The following TMEM178B variants were observed in gnomAD, a reference collection of about 807,000 sequenced individuals.
TMEM178B encodes transmembrane protein 178B.
TMEM178B carries 5 observed loss-of-function variants against 31.0 expected under a neutral mutation model. That is an observed-to-expected ratio of 0.16 (90% confidence interval 0.08 to 0.34). The LOEUF (loss-of-function observed/expected upper bound fraction) is 0.34. Among genes scored for constraint, TMEM178B ranks in the 10% least tolerant of loss-of-function variants. The probability of loss-of-function intolerance (pLI) is 1.00; values close to 1 mark genes in which losing one functional copy is unlikely to be tolerated. For synonymous variants in TMEM178B, 164 were observed against 164.0 expected (o/e 1.00, Z 0.00); for missense variants, 275 against 400.3 (o/e 0.69, Z 2.67).
chr7:141,310,691 C>A (rs949987158), intron 2 of TMEM178B, among the ~76,000 whole-genome samples: 1 of 152,240 alleles, frequency 6.6e-6, no homozygotes, highest in African/African-American at 2.4e-5. Flanking sequence ...AACGCTTTTA[C>A]ACTGTTGCTG....
chr7:141,178,607 AGTGATACGTTG>A (rs1392386800), intron 1 of TMEM178B, among the ~76,000 whole-genome samples: 1 of 152,214 alleles, frequency 6.6e-6, no homozygotes, highest in African/African-American at 2.4e-5. Flanking sequence ...CATGATTTAA[AGTGATACGTTG>A]GTGATACGCT....
intron 1 of TMEM178B, among the ~76,000 whole-genome samples, chr7:141,147,453 C>T (rs1332722270): frequency 6.6e-6 from 1 of 152,026 alleles, no homozygotes; most frequent in Non-Finnish European, 1.5e-5. Context: ...AAGATTTTTG[C>T]ATTTTAAAAA....
intron 2 of TMEM178B, among the ~76,000 whole-genome samples, chr7:141,383,827 C>CTAGTA (rs1196615246): frequency 3.3e-4 from 50 of 152,322 alleles, no homozygotes; most frequent in African/African-American, 1.1e-3. Context: ...AGTTTACAGA[C>CTAGTA]CCATCAACAG....
At chr7:141,424,920 G>A (rs1342037777) in intron 2 of TMEM178B, among the ~76,000 whole-genome samples, 2 of 152,232 alleles carry the variant, frequency 1.3e-5, no homozygotes, top group Admixed American at 6.5e-5. Flanking sequence ...GTTTGAAGTG[G>A]CACGGATCAT....
At chr7:141,505,382 A>G in the TMEM178B span, among the ~76,000 whole-genome samples, 1 of 152,240 alleles carries the variant, frequency 6.6e-6, no homozygotes, top group Non-Finnish European at 1.5e-5. Context: ...ATTGTAGGTC[A>G]GTGAATGTTT....
At chr7:141,173,893 A>G (rs1052087720) in intron 1 of TMEM178B, among the ~76,000 whole-genome samples, 1 of 152,218 alleles carries the variant, frequency 6.6e-6, no homozygotes, top group Non-Finnish European at 1.5e-5. Flanking sequence ...AGCAAGGGGA[A>G]GAGACCATGA....
intron 1 of TMEM178B, among the ~76,000 whole-genome samples, chr7:141,178,274 C>G (rs537600426): frequency 2.6e-5 from 4 of 152,170 alleles, no homozygotes; most frequent in Non-Finnish European, 5.9e-5. Flanking sequence ...TTGGCCCCCA[C>G]AAAAACATTT....
At chr7:141,216,937 C>T (rs1417796484) in intron 2 of TMEM178B, among the ~76,000 whole-genome samples, 1 of 152,076 alleles carries the variant, frequency 6.6e-6, no homozygotes, top group Admixed American at 6.5e-5. Flanking sequence ...TGGCTGCCTC[C>T]AGGACACAGC....
chr7:141,164,541 G>A (rs982109858), intron 1 of TMEM178B, among the ~76,000 whole-genome samples: 3 of 152,136 alleles, frequency 2.0e-5, no homozygotes, highest in Admixed American at 6.5e-5. Context: ...TGTTACTCAT[G>A]TGAAAAATGA....
At chr7:141,216,223 T>G (rs905401535) in intron 2 of TMEM178B, among the ~76,000 whole-genome samples, 1 of 152,012 alleles carries the variant, frequency 6.6e-6, no homozygotes, top group African/African-American at 2.4e-5. Context: ...AAGGCACAAT[T>G]TGGTTTAAAA....
At chr7:141,362,366 G>A (rs2116549162) in intron 2 of TMEM178B, among the ~76,000 whole-genome samples, 1 of 152,270 alleles carries the variant, frequency 6.6e-6, no homozygotes, top group African/African-American at 2.4e-5. Context: ...ACCTGTTTTG[G>A]CTTTGAAGTG....
At chr7:141,255,509 A>G (rs531667180) in intron 2 of TMEM178B, among the ~76,000 whole-genome samples, 39 of 152,368 alleles carry the variant, frequency 2.6e-4, no homozygotes, top group African/African-American at 8.9e-4. Flanking sequence ...GCCAAAACCT[A>G]GTTACCACTT....
At chr7:141,511,071 G>T in the TMEM178B span, among the ~76,000 whole-genome samples, 6 of 152,008 alleles carry the variant, frequency 3.9e-5, no homozygotes, top group African/African-American at 1.4e-4. Context: ...CAGTTCCAAC[G>T]GAGAAGTTGC....
At chr7:141,191,242 G>A (rs1225036119) in intron 1 of TMEM178B, among the ~76,000 whole-genome samples, 1 of 152,178 alleles carries the variant, frequency 6.6e-6, no homozygotes, top group East Asian at 1.9e-4. Flanking sequence ...TTGCATGCAT[G>A]TACCATAATT....
intron 1 of TMEM178B, among the ~76,000 whole-genome samples, chr7:141,142,231 A>G (rs1795782257): frequency 6.6e-6 from 1 of 152,182 alleles, no homozygotes; most frequent in Non-Finnish European, 1.5e-5. Flanking sequence ...ACACAATTTC[A>G]GCTTTTTCAT....
chr7:141,080,200 T>C (rs1794660886), intron 1 of TMEM178B, among the ~76,000 whole-genome samples: 1 of 152,236 alleles, frequency 6.6e-6, no homozygotes, highest in African/African-American at 2.4e-5. Flanking sequence ...ATGCTGAAAT[T>C]ATAGACATGA....
chr7:141,490,895 A>G, the TMEM178B span, among the ~76,000 whole-genome samples: 10 of 152,232 alleles, frequency 6.6e-5, no homozygotes, highest in Non-Finnish European at 1.2e-4. Flanking sequence ...GCTATTAGCT[A>G]TCTTTGCAGA....
chr7:141,143,793 A>C (rs996354518), intron 1 of TMEM178B, among the ~76,000 whole-genome samples: 5 of 149,844 alleles, frequency 3.3e-5, no homozygotes, highest in African/African-American at 1.3e-4. Context: ...TTAAATCTAT[A>C]GATTGCTTTA....
chr7:141,144,879 T>C (rs1211404484), intron 1 of TMEM178B, among the ~76,000 whole-genome samples: 1 of 152,116 alleles, frequency 6.6e-6, no homozygotes, highest in Non-Finnish European at 1.5e-5. Context: ...TTGCTTTTTT[T>C]CACTGACCAG....
Sources: gnomAD v4.1 joint callset for allele counts (sites outside exome capture counted in the v4.1 genomes callset) on GRCh38, gnomAD v4.1.1 for gene constraint, MANE v1.5 for transcripts, NCBI Gene and HGNC (gene_info 2026-07-23, HGNC 2026-07-21) for gene names.